The following MYH10 variants were observed in gnomAD, a reference collection of about 807,000 sequenced individuals.
The protein encoded by MYH10 is myosin heavy chain 10, also known as myosin-10.
MYH10 carries 55 observed loss-of-function variants against 257.8 expected under a neutral mutation model. The ratio of observed to expected loss-of-function variants is 0.21; its 90% CI spans 0.17 to 0.27. MYH10 has a LOEUF of 0.27. Ranked by LOEUF, MYH10 falls within the 10% of genes least tolerant of loss-of-function variation. The pLI is 1.00. For synonymous variants in MYH10, 854 were observed against 921.7 expected (o/e 0.93, Z 1.33); for missense variants, 1,631 against 2,500.6 (o/e 0.65, Z 7.42).
rs761970134 is a variant in MYH10, at chr17:8,480,486, C to A, written c.5304G>T (p.Arg1768=). The A allele has an allele frequency of 2.5e-5, 40 of 1,611,610 alleles. No individual in the cohort carries two copies. Among genetic ancestry groups the A allele is most frequent in the Non-Finnish European group, 3.3e-5 (39 of 1,179,922 alleles). Residue 1768 remains arginine, a synonymous_variant, in exon 39 of 43, where the codon CGG becomes CGT. Coordinates refer to ENST00000360416, the MANE Select transcript of MYH10 (RefSeq NM_001256012.3). ...LLDEKRRLEA[R]IAQLEEELEE... is the part of the protein sequence containing the mutation. ...CCAGCTCCTCCTCCAGCTGTGCGAT[C>A]CGAGCTTCCAGACGCCGCTTCTCAT...
At position 8,520,003 on chromosome 17, in the gene MYH10, G is replaced by A. The variant is rs529870509; in HGVS notation, c.2273+875C>T. ...GTTAGCTAAAAGACTGTAATTGCAC[G>A]CATGTGTGTGCACATGTATACACAT... On this transcript the variant is annotated intron_variant, in intron 19 of 42. Coordinates refer to ENST00000360416, the MANE Select transcript of MYH10 (RefSeq NM_001256012.3). 9.2e-5 allele frequency among the ~76,000 whole-genome samples: 14 copies of A among 151,938 alleles called. No individual in the cohort carries two copies. The South Asian group carries it at 2.5e-3, about 27-fold the overall frequency.
At chr17:8,571,833 G>A (rs1005418424) in intron 6 of MYH10, among the ~76,000 whole-genome samples, 2 of 152,086 alleles carry the variant, frequency 1.3e-5, no homozygotes, top group Non-Finnish European at 2.9e-5. Context: ...CCCCCCCGGG[G>A]TCAGCAGTCA....
At chr17:8,512,712 T>G (rs1042201268) in intron 23 of MYH10, 55 bp from the exon 24 acceptor site, 9 of 1,426,422 alleles carry the variant, frequency 6.3e-6, no homozygotes, top group Admixed American at 4.3e-5. Context: ...GTACACAGTA[T>G]ATATTCGCCG....
chr17:8,549,717 C>T (rs1389449528), intron 9 of MYH10, among the ~76,000 whole-genome samples: 1 of 152,170 alleles, frequency 6.6e-6, no homozygotes, highest in East Asian at 1.9e-4. Context: ...TCTCCCTCTC[C>T]CTCTCTTTCC....
In MYH10 at chr17:8,480,655, C is replaced by T. The variant is rs1173320775; in HGVS notation, c.5265-130G>A. 4.1e-6 allele frequency: 5 copies of T among 1,216,168 alleles called. No homozygotes were observed. In the South Asian group the frequency reaches 5.2e-5, roughly 13 times the overall value. 75.3% of individuals were successfully genotyped at this position (1,216,168 alleles called of 1,614,324 possible). A position where few individuals can be genotyped will look rare whatever the true frequency, so the allele number is the denominator to read the frequency against. On this transcript the variant is annotated intron_variant, in intron 38 of 42. Transcript: ENST00000360416. ...CATCCTGAATTTTCTCTTTCCCCTG[C>T]ACTCATCCCCAAATCCATCAGTAGG...
Position 8,490,193 on chromosome 17 carries a change from T to G in MYH10, c.4884+147A>C. ...CAATAAAATTTAAATAATAAAATTCTCAAATGACCAAATAAATTCATTTTA... is the reference window on the plus strand; with the variant it reads ...CAATAAAATTTAAATAATAAAATTCGCAAATGACCAAATAAATTCATTTTA... On this transcript the variant is annotated intron_variant, in intron 35 of 42. Coordinates refer to ENST00000360416, the MANE Select transcript of MYH10 (RefSeq NM_001256012.3). This position sits in a 1 kb window ranked among gnomAD's most constrained non-coding sequence, Gnocchi z 4.1. 1 of 673,520 alleles carries G rather than the reference T, an allele frequency of 1.5e-6. No homozygotes were observed. Among genetic ancestry groups the G allele is most frequent in the Non-Finnish European group, 2.5e-6 (1 of 399,728 alleles). 41.7% of individuals were successfully genotyped at this position (673,520 alleles called of 1,614,324 possible). A position where few individuals can be genotyped will look rare whatever the true frequency, so the allele number is the denominator to read the frequency against.
At chr17:8,542,949 A>G (rs2082331719) in intron 13 of MYH10, among the ~76,000 whole-genome samples, 1 of 152,242 alleles carries the variant, frequency 6.6e-6, no homozygotes, top group African/African-American at 2.4e-5. Context: ...GACTGCCCTC[A>G]TAAAGTGAAT....
rs763641712 is a variant in MYH10 at position 8,480,131 on chromosome 17, T to A, written c.5576A>T (p.Glu1859Val). 1.2e-6 allele frequency: 2 copies of A among 1,614,208 alleles called. No individual in the cohort carries two copies. The highest frequency in any genetic ancestry group is 1.7e-6 in the Non-Finnish European group (2 of 1,180,038). ...ALEAKIGQLE[E>V]QLEQEAKERA... Reference sequence around the variant, plus strand: ...TTACTTGGCTTCCTGCTCAAGCTGCTCCTCCAGCTGCCCAATCTTGGCCTC... The same window carrying A: ...TTACTTGGCTTCCTGCTCAAGCTGCACCTCCAGCTGCCCAATCTTGGCCTC... The change falls in exon 40 of 43, where the codon GAG becomes GTG. Residue 1859 changes from glutamate (E) to valine (V), a missense_variant. Transcript: ENST00000360416.
intron 36 of MYH10, 64 bp from the exon 37 acceptor site, chr17:8,484,330 T>C: frequency 6.6e-7 from 1 of 1,512,400 alleles, no homozygotes; most frequent in East Asian, 2.3e-5. Context: ...AATAAAATTT[T>C]TTTAGAGATG....
Position 8,567,998 on chromosome 17 carries a change from T to G in MYH10, c.756+1722A>C, listed in dbSNP as rs897427064. On this transcript the variant is annotated intron_variant, in intron 7 of 42. Coordinates refer to ENST00000360416, the MANE Select transcript of MYH10 (RefSeq NM_001256012.3). Reference sequence around the variant, plus strand: ...GCGCCCAGATGTCTGTGGTCGTCAGTTACCTCTTCATCCCAACCCTCTCCC... The same window carrying G: ...GCGCCCAGATGTCTGTGGTCGTCAGGTACCTCTTCATCCCAACCCTCTCCC... Among the ~76,000 whole-genome samples the G allele has an allele frequency of 3.9e-5, 6 of 152,172 alleles. No individual in the cohort carries two copies. In the South Asian group the frequency reaches 1.0e-3, roughly 26 times the overall value.
At chr17:8,590,847 C>T (rs2152049461) in intron 3 of MYH10, among the ~76,000 whole-genome samples, 1 of 151,010 alleles carries the variant, frequency 6.6e-6, no homozygotes, top group Admixed American at 6.6e-5. Flanking sequence ...TTCCCAAACA[C>T]TCTCCCTCAG....
chr17:8,513,500 T>G (rs781020772), intron 23 of MYH10, 38 bp downstream of exon 23: 1 of 1,611,516 alleles, frequency 6.2e-7, no homozygotes, highest in Non-Finnish European at 8.5e-7. Flanking sequence ...TCATAGGGAT[T>G]CAGGGCCAAG....
At chr17:8,563,716 C>T (rs1381326738) in intron 7 of MYH10, among the ~76,000 whole-genome samples, 1 of 152,144 alleles carries the variant, frequency 6.6e-6, no homozygotes, top group Non-Finnish European at 1.5e-5. Context: ...CAGCAACTGC[C>T]TTTTGATAAA....
At chr17:8,629,554 C>T (rs1486769417) in intron 1 of MYH10, among the ~76,000 whole-genome samples, 1 of 152,096 alleles carries the variant, frequency 6.6e-6, no homozygotes, top group African/African-American at 2.4e-5. Flanking sequence ...GGGCCGCATC[C>T]GCCCACCACA....
intron 5 of MYH10, 92 bp from the exon 6 acceptor site, chr17:8,576,764 G>C (rs768776287): frequency 2.3e-5 from 28 of 1,235,704 alleles, no homozygotes; most frequent in Non-Finnish European, 2.9e-5. Flanking sequence ...CCAATGTGCA[G>C]TTGAGAACTG....
intron 29 of MYH10, 152 bp from the exon 30 acceptor site, chr17:8,499,628 CT>C (rs548671920): frequency 9.5e-6 from 7 of 733,530 alleles, no homozygotes; most frequent in African/African-American, 1.8e-5. Flanking sequence ...TTGCTGTTCT[CT>C]GAGTGTGAGG....
chr17:8,545,907 T>G lies in MYH10; in HGVS notation c.1279-307A>C, dbSNP rs2082428283. The stretch of plus-strand genomic sequence containing the variant: ...AGTTAAGCTGGTACTTTCTCTCTGC[T>G]GTACCACCCAGCACAAGGACAAGGC... On this transcript the variant is annotated intron_variant, in intron 12 of 42. Coordinates refer to ENST00000360416, the MANE Select transcript of MYH10 (RefSeq NM_001256012.3). This position sits in a 1 kb window ranked among gnomAD's most constrained non-coding sequence, Gnocchi z 4.7. 6.6e-6 allele frequency among the ~76,000 whole-genome samples: 1 copy of G among 152,190 alleles called. No individual in the cohort carries two copies. Among genetic ancestry groups the G allele is most frequent in the African/African-American group, 2.4e-5 (1 of 41,448 alleles).
chr17:8,481,916 G>A (rs541035233), intron 37 of MYH10, among the ~76,000 whole-genome samples: 1 of 152,304 alleles, frequency 6.6e-6, no homozygotes, highest in Non-Finnish European at 1.5e-5. Context: ...GGGGGCCTCC[G>A]CAGGGGCTCA....
At chr17:8,627,867 C>A (rs2085742408) in intron 1 of MYH10, among the ~76,000 whole-genome samples, 1 of 152,176 alleles carries the variant, frequency 6.6e-6, no homozygotes, top group South Asian at 2.1e-4. Context: ...TTAATATCTC[C>A]ATTTTACAGA....
Sources: allele counts gnomAD v4.1 joint callset (sites outside exome capture counted in the v4.1 genomes callset), GRCh38; gene constraint gnomAD v4.1.1; non-coding constraint Gnocchi (gnomAD v3.1); transcripts MANE v1.5; gene names NCBI Gene and HGNC (gene_info 2026-07-23, HGNC 2026-07-21).